Variants in LINGO2 observed in about 807,000 individuals in gnomAD.
LINGO2 encodes leucine rich repeat and Ig domain containing 2.
In LINGO2, 14 loss-of-function variants were observed where a neutral mutation model predicts 30.6. The observed-to-expected ratio is 0.46, with a 90% CI of 0.30 to 0.72. The LOEUF is 0.72. LINGO2 is among the 30% of genes least tolerant of loss of function. LINGO2 has a pLI of 0.07. For synonymous variants in LINGO2, 317 were observed against 288.5 expected, an observed-to-expected ratio of 1.10 and a Z score of -1.00; for missense variants, 729 against 751.7, an observed-to-expected ratio of 0.97 and a Z score of 0.35.
At chr9:28,694,569 A>G in the LINGO2 span, among the ~76,000 whole-genome samples, 1 of 151,958 alleles carries the variant, frequency 6.6e-6, no homozygotes, top group Non-Finnish European at 1.5e-5. Flanking sequence ...AACTCCTCCT[A>G]TCCTCACAGC....
the LINGO2 span, among the ~76,000 whole-genome samples, chr9:28,875,360 C>A: frequency 6.6e-6 from 1 of 151,972 alleles, no homozygotes; most frequent in African/African-American, 2.4e-5. Context: ...ATGTGAGAAC[C>A]ATTTGAAAGT....
chr9:27,951,184 T>A (rs1757993469), intron 5 of LINGO2, among the ~76,000 whole-genome samples: 1 of 152,228 alleles, frequency 6.6e-6, no homozygotes, highest in Non-Finnish European at 1.5e-5. Flanking sequence ...TCATTCTATA[T>A]CAGGCCTTTA....
chr9:28,756,284 C>T, the LINGO2 span, among the ~76,000 whole-genome samples: 4 of 151,840 alleles, frequency 2.6e-5, no homozygotes, highest in African/African-American at 9.7e-5. Flanking sequence ...GCCTGTAGTC[C>T]CTTTGTTTTG....
At chr9:28,562,371 C>G (rs537431977) in intron 1 of LINGO2, among the ~76,000 whole-genome samples, 2 of 145,010 alleles carry the variant, frequency 1.4e-5, no homozygotes, top group African/African-American at 5.1e-5. Flanking sequence ...ATAACCATCT[C>G]TAATCTCTCA....
the LINGO2 span, among the ~76,000 whole-genome samples, chr9:29,077,556 C>T: frequency 6.6e-6 from 1 of 151,958 alleles, no homozygotes; most frequent in African/African-American, 2.4e-5. Context: ...TAACAAATGT[C>T]TTTTGCATTG....
the LINGO2 span, among the ~76,000 whole-genome samples, chr9:29,144,011 T>C: frequency 2.6e-5 from 4 of 152,168 alleles, no homozygotes; most frequent in Admixed American, 2.6e-4. Context: ...CCCAGCACCA[T>C]TTATTAAATA....
intron 2 of LINGO2, among the ~76,000 whole-genome samples, chr9:28,375,271 A>T (rs933042706): frequency 6.6e-6 from 1 of 152,210 alleles, no homozygotes; most frequent in Non-Finnish European, 1.5e-5. Context: ...ACAGGGGTAG[A>T]TGCTGGGTCT....
At chr9:28,790,003 TA>T in the LINGO2 span, among the ~76,000 whole-genome samples, 461 of 152,316 alleles carry the variant, frequency 3.0e-3, no homozygotes, top group African/African-American at 0.011. Context: ...ATGGTTTAAC[TA>T]TCTGTGGCTT....
At chr9:28,777,774 G>A in the LINGO2 span, among the ~76,000 whole-genome samples, 4 of 152,178 alleles carry the variant, frequency 2.6e-5, no homozygotes, top group Non-Finnish European at 5.9e-5. Context: ...TGAGTTGCTC[G>A]TGTTAAGTCC....
At chr9:28,510,624 A>C (rs1383114204) in intron 1 of LINGO2, among the ~76,000 whole-genome samples, 5 of 151,892 alleles carry the variant, frequency 3.3e-5, no homozygotes, top group Non-Finnish European at 1.5e-5. Context: ...GAAAAAATCC[A>C]CATATGAATG....
the LINGO2 span, among the ~76,000 whole-genome samples, chr9:29,060,603 C>A: frequency 6.6e-6 from 1 of 151,786 alleles, no homozygotes; most frequent in Middle Eastern, 3.2e-3. Context: ...TTTAAAGAAA[C>A]TATTACAATC....
At chr9:29,109,745 G>A in the LINGO2 span, among the ~76,000 whole-genome samples, 5 of 152,304 alleles carry the variant, frequency 3.3e-5, no homozygotes, top group African/African-American at 1.2e-4. Flanking sequence ...AACGCATAGA[G>A]TTAATTTAGA....
intron 3 of LINGO2, among the ~76,000 whole-genome samples, chr9:28,328,527 T>C (rs929022437): frequency 1.3e-5 from 2 of 150,932 alleles, no homozygotes; most frequent in African/African-American, 2.4e-5. Context: ...GAGGAATTTT[T>C]AGAAAGATTT....
chr9:28,642,989 A>T (rs1373841823), intron 1 of LINGO2, among the ~76,000 whole-genome samples: 2 of 152,110 alleles, frequency 1.3e-5, no homozygotes, highest in African/African-American at 4.8e-5. Context: ...GAAAAAAGTG[A>T]AATAGCTCAA....
At chr9:28,773,463 A>G in the LINGO2 span, among the ~76,000 whole-genome samples, 1 of 151,840 alleles carries the variant, frequency 6.6e-6, no homozygotes, top group African/African-American at 2.4e-5. Context: ...TTATATAAGG[A>G]AAAAAATTAG....
intron 4 of LINGO2, among the ~76,000 whole-genome samples, chr9:28,215,725 A>G (rs955743643): frequency 3.3e-5 from 5 of 151,888 alleles, no homozygotes; most frequent in Admixed American, 2.6e-4. Context: ...GCAGCACATA[A>G]AATACGCGGG....
rs141139199 is a variant in LINGO2, at chr9:28,136,681, C to G, written c.-86-124276G>C. ...CTTTCTTATGTCCAGATGTTCCTCT[C>G]TTATATCACATTAGAATATACCATA... On this transcript the variant is annotated intron_variant, in intron 4 of 5. Transcript: ENST00000379992. 4.8e-3 allele frequency among the ~76,000 whole-genome samples: 736 copies of G among 152,282 alleles called. 2 individuals are homozygous for G. The highest frequency in any genetic ancestry group is 8.8e-3 in the Non-Finnish European group (598 of 68,028).
At chr9:28,149,924 C>T (rs1036389086) in intron 4 of LINGO2, among the ~76,000 whole-genome samples, 6 of 137,716 alleles carry the variant, frequency 4.4e-5, no homozygotes, top group East Asian at 2.3e-4. Context: ...GTCCTGTCTG[C>T]GAAGTGAGGA....
chr9:28,993,416 T>C, the LINGO2 span, among the ~76,000 whole-genome samples: 9 of 152,230 alleles, frequency 5.9e-5, no homozygotes, highest in East Asian at 3.9e-4. Context: ...GATGGAATCA[T>C]AGCCGAATTC....
Sources: allele counts gnomAD v4.1 joint callset (sites outside exome capture counted in the v4.1 genomes callset), GRCh38; gene constraint gnomAD v4.1.1; transcripts MANE v1.5; gene names NCBI Gene and HGNC (gene_info 2026-07-23, HGNC 2026-07-21).